DRC8: variants seen among roughly 807,000 people sequenced by gnomAD.
DRC8 encodes the protein dynein regulatory complex protein 8.
At chr1:245,074,164 T>C in the DRC8 span, among the ~76,000 whole-genome samples, 1 of 152,240 alleles carries the variant, frequency 6.6e-6, no homozygotes, top group Non-Finnish European at 1.5e-5. Context: ...GGTCACTTTT[T>C]GTTCATCAGT....
At chr1:245,072,138 C>T in the DRC8 span, among the ~76,000 whole-genome samples, 9 of 152,176 alleles carry the variant, frequency 5.9e-5, no homozygotes, top group Admixed American at 3.9e-4. Flanking sequence ...CTTATAGCAG[C>T]TTCATTCATA....
At chr1:245,020,613 CTTTTTTTTTTTTTT>C in the DRC8 span, among the ~76,000 whole-genome samples, 3 of 59,704 alleles carry the variant, frequency 5.0e-5, no homozygotes, top group Non-Finnish European at 8.9e-5. Context: ...GTTTTTCTTT[CTTTTTTTTTTTTTT>C]TTTTTTTTTT....
chr1:245,076,353 G>A, the DRC8 span, among the ~76,000 whole-genome samples: 1 of 152,194 alleles, frequency 6.6e-6, no homozygotes. Flanking sequence ...TTAGACATGA[G>A]CATGCTGAAG....
At chr1:245,056,364 C>T in the DRC8 span, among the ~76,000 whole-genome samples, 903 of 152,242 alleles carry the variant, frequency 5.9e-3, 8 homozygotes, top group African/African-American at 0.021. Context: ...GGTGCCATCT[C>T]AGCTCACTGC....
chr1:244,977,307 G>T, the DRC8 span, among the ~76,000 whole-genome samples: 1 of 152,182 alleles, frequency 6.6e-6, no homozygotes, highest in Non-Finnish European at 1.5e-5. Flanking sequence ...CCACATTTTA[G>T]TAAATAGAAA....
At chr1:245,054,465 C>T in the DRC8 span, among the ~76,000 whole-genome samples, 12 of 152,150 alleles carry the variant, frequency 7.9e-5, no homozygotes, top group Admixed American at 2.0e-4. Context: ...TTACTAACTC[C>T]AGTGGCTGTT....
chr1:245,034,474 A>G, the DRC8 span, among the ~76,000 whole-genome samples: 2 of 151,694 alleles, frequency 1.3e-5, no homozygotes, highest in African/African-American at 4.8e-5. Context: ...GGTGGCATGC[A>G]CCTGTAATCC....
chr1:245,019,549 T>G, the DRC8 span, among the ~76,000 whole-genome samples: 7 of 152,088 alleles, frequency 4.6e-5, no homozygotes, highest in Non-Finnish European at 1.5e-5. Flanking sequence ...AATTATTATT[T>G]CTTGTAGTGA....
chr1:245,029,598 C>CTATTGTTCTTATTGGA, the DRC8 span, among the ~76,000 whole-genome samples: 1 of 150,640 alleles, frequency 6.6e-6, no homozygotes. Flanking sequence ...TGTGCCCAGC[C>CTATTGTTCTTATTGGA]CTGTTTTTTT....
At chr1:245,065,751 C>T in the DRC8 span, among the ~76,000 whole-genome samples, 6 of 151,882 alleles carry the variant, frequency 4.0e-5, no homozygotes, top group East Asian at 1.2e-3. Flanking sequence ...TCACCCGCAT[C>T]GGAGTGTTGG....
the DRC8 span, chr1:244,970,144 C>T: frequency 4.4e-6 from 3 of 683,810 alleles, no homozygotes; most frequent in African/African-American, 1.9e-5. Context: ...GGGACAAGTC[C>T]GGCTCCGGCC....
chr1:245,095,412 A>G, the DRC8 span, among the ~76,000 whole-genome samples: 33 of 152,242 alleles, frequency 2.2e-4, no homozygotes, highest in African/African-American at 7.5e-4. Flanking sequence ...CATATATGCT[A>G]TTATGTAATC....
the DRC8 span, chr1:245,086,802 A>G: frequency 1.9e-6 from 1 of 533,742 alleles, no homozygotes; most frequent in East Asian, 5.4e-5. Flanking sequence ...TGACTTGCTC[A>G]AGATCTCAGA....
chr1:245,077,231 A>G, the DRC8 span, among the ~76,000 whole-genome samples: 747 of 152,292 alleles, frequency 4.9e-3, 4 homozygotes, highest in African/African-American at 0.017. Flanking sequence ...CTAAAGGCTG[A>G]AAGTTTAAGA....
the DRC8 span, among the ~76,000 whole-genome samples, chr1:245,018,276 G>C: frequency 7.9e-5 from 12 of 151,538 alleles, no homozygotes; most frequent in South Asian, 2.5e-3. Context: ...TCAGGAGGCC[G>C]GGCTAAATGA....
chr1:245,063,472 C>T, the DRC8 span, among the ~76,000 whole-genome samples: 1 of 152,124 alleles, frequency 6.6e-6, no homozygotes, highest in Non-Finnish European at 1.5e-5. Context: ...TTTTTCTTTC[C>T]TTATTAGGCC....
chr1:245,007,549 TAGAGAC>T, the DRC8 span, among the ~76,000 whole-genome samples: 4 of 152,172 alleles, frequency 2.6e-5, no homozygotes, highest in Admixed American at 6.6e-5. Flanking sequence ...GCAATTGACT[TAGAGAC>T]AGACAGACAT....
chr1:245,085,465 T>G, the DRC8 span, among the ~76,000 whole-genome samples: 1 of 152,180 alleles, frequency 6.6e-6, no homozygotes, highest in Non-Finnish European at 1.5e-5. Context: ...ATTATCGATG[T>G]GTAAAACAGT....
the DRC8 span, among the ~76,000 whole-genome samples, chr1:244,994,258 T>C: frequency 1.3e-5 from 2 of 152,198 alleles, no homozygotes; most frequent in African/African-American, 4.8e-5. Flanking sequence ...CTCTTTGTCA[T>C]TTTTAGTTCA....
Sources: gnomAD v4.1 joint callset for allele counts (sites outside exome capture counted in the v4.1 genomes callset) on GRCh38, gnomAD v4.1.1 for gene constraint, MANE v1.5 for transcripts, NCBI Gene and HGNC (gene_info 2026-07-23, HGNC 2026-07-21) for gene names.